The following SRRM4 variants were observed in gnomAD, a reference collection of about 807,000 sequenced individuals.
SRRM4 encodes serine/arginine repetitive matrix protein 4.
In SRRM4, 33 loss-of-function variants were observed where a neutral mutation model predicts 68.9. The observed-to-expected ratio is 0.48, with a 90% CI of 0.36 to 0.64. The LOEUF is 0.64. Ranked by LOEUF, SRRM4 falls within the 30% of genes least tolerant of loss-of-function variation. The pLI is 0.00. For synonymous variants in SRRM4, 318 were observed against 318.8 expected, an observed-to-expected ratio of 1.00 and a Z score of 0.03; for missense variants, 817 against 827.1, an observed-to-expected ratio of 0.99 and a Z score of 0.15.
At chr12:118,990,993 C>T (rs1266814938) in intron 1 of SRRM4, among the ~76,000 whole-genome samples, 1 of 152,098 alleles carries the variant, frequency 6.6e-6, no homozygotes, top group Non-Finnish European at 1.5e-5. Context: ...TTAGTAGAGA[C>T]AGGGTTTCAC....
chr12:119,087,226 C>T (rs138256684), intron 1 of SRRM4, among the ~76,000 whole-genome samples: 40 of 152,316 alleles, frequency 2.6e-4, no homozygotes, highest in Non-Finnish European at 5.0e-4. Context: ...CAAACACATG[C>T]AAAGCACTTA....
At chr12:119,109,789 T>G (rs965354007) in intron 2 of SRRM4, among the ~76,000 whole-genome samples, 1 of 152,234 alleles carries the variant, frequency 6.6e-6, no homozygotes, top group African/African-American at 2.4e-5. Context: ...CAGAGAAGTT[T>G]GTAATCACTG....
At chr12:119,033,906 C>G (rs1417887503) in intron 1 of SRRM4, among the ~76,000 whole-genome samples, 2 of 152,148 alleles carry the variant, frequency 1.3e-5, no homozygotes, top group Non-Finnish European at 2.9e-5. Context: ...CAGTCTTGTT[C>G]TAGTAACTAT....
At position 119,145,465 on chromosome 12, in the gene SRRM4, G is replaced by A. The variant is rs2136065671; in HGVS notation, c.856G>A (p.Asp286Asn). The A allele has an allele frequency of 2.5e-6, 4 of 1,610,174 alleles. No homozygotes were observed. Among genetic ancestry groups the A allele is most frequent in the East Asian group, 2.2e-5 (1 of 44,708 alleles). Reference sequence around the variant, plus strand: ...CTCGCGAGGACGTTCCCAGGAGTACGACTCAGGAAATGACACGTCCTCGCC... The same window carrying A: ...CTCGCGAGGACGTTCCCAGGAGTACAACTCAGGAAATGACACGTCCTCGCC... ...TTSRGRSQEY[D>N]SGNDTSSPPS... Residue 286 changes from aspartate to asparagine, a missense_variant, in exon 9 of 13, where the codon GAC becomes AAC. Physicochemically the swap from Asp to Asn is conservative, Grantham distance 23. Coordinates refer to ENST00000267260, the MANE Select transcript of SRRM4 (RefSeq NM_194286.4).
Position 118,982,021 on chromosome 12 carries a change from T to C in SRRM4, c.131+8T>C. The C allele has an allele frequency of 6.2e-7, 1 of 1,605,474 alleles. No individual in the cohort carries two copies. Among genetic ancestry groups the C allele is most frequent in the East Asian group, 2.2e-5 (1 of 44,516 alleles). ...CCGCAAGCCGCTGCCAAGGTAATGA[T>C]CTCCTTCTTAGAAGGGGGGATCCTG... On this transcript the variant is annotated splice_region_variant and intron_variant, in intron 1 of 12. Transcript: ENST00000267260.
chr12:119,064,213 C>T (rs1345714828), intron 1 of SRRM4, among the ~76,000 whole-genome samples: 2 of 152,108 alleles, frequency 1.3e-5, no homozygotes, highest in Admixed American at 1.3e-4. Flanking sequence ...AAGTGATCTC[C>T]CTCATTCCCA....
At chr12:119,066,887 T>A (rs561523351) in intron 1 of SRRM4, among the ~76,000 whole-genome samples, 1 of 152,350 alleles carries the variant, frequency 6.6e-6, no homozygotes, top group South Asian at 2.1e-4. Flanking sequence ...CACATGATTC[T>A]TATGTGCACA....
intron 1 of SRRM4, among the ~76,000 whole-genome samples, chr12:119,082,875 G>A (rs1363443850): frequency 1.3e-5 from 2 of 152,214 alleles, no homozygotes; most frequent in African/African-American, 2.4e-5. Flanking sequence ...ATGGAGAAGG[G>A]TTTGGACTTG....
chr12:119,098,483 C>T (rs911394560), intron 1 of SRRM4, among the ~76,000 whole-genome samples: 6 of 152,176 alleles, frequency 3.9e-5, no homozygotes, highest in African/African-American at 1.4e-4. Flanking sequence ...AATTTTTTAC[C>T]ACTTTTATTG....
chr12:119,045,185 G>A (rs1291161355), intron 1 of SRRM4, among the ~76,000 whole-genome samples: 2 of 152,172 alleles, frequency 1.3e-5, no homozygotes, highest in African/African-American at 4.8e-5. Context: ...TTAGTGCAAA[G>A]CTGGGATTTG....
chr12:119,100,641 T>C (rs2136041394), intron 1 of SRRM4, among the ~76,000 whole-genome samples: 1 of 152,306 alleles, frequency 6.6e-6, no homozygotes, highest in South Asian at 2.1e-4. Flanking sequence ...TGGATACAAT[T>C]TAGGCACTCA....
intron 1 of SRRM4, chr12:119,001,096 C>T (rs1473726154): frequency 6.6e-6 from 1 of 152,202 alleles, no homozygotes; most frequent in East Asian, 1.9e-4. Flanking sequence ...AGTGGCTTCA[C>T]TGATACATTC....
chr12:119,012,054 G>A (rs1953452796), intron 1 of SRRM4, among the ~76,000 whole-genome samples: 1 of 152,220 alleles, frequency 6.6e-6, no homozygotes, highest in Non-Finnish European at 1.5e-5. Context: ...TGCTCTTGGT[G>A]ACAATGTTTG....
chr12:119,115,117 A>G (rs1255500183), intron 3 of SRRM4, among the ~76,000 whole-genome samples: 1 of 151,890 alleles, frequency 6.6e-6, no homozygotes, highest in East Asian at 1.9e-4. Context: ...GAGATGAGAA[A>G]ATAAAGGCTC....
At chr12:118,996,203 T>G (rs1953348619) in intron 1 of SRRM4, among the ~76,000 whole-genome samples, 1 of 152,180 alleles carries the variant, frequency 6.6e-6, no homozygotes, top group Non-Finnish European at 1.5e-5. Context: ...TTAAACCTGA[T>G]CTTCCAGTCC....
At chr12:118,990,352 T>C (rs1267578179) in intron 1 of SRRM4, among the ~76,000 whole-genome samples, 4 of 152,214 alleles carry the variant, frequency 2.6e-5, no homozygotes, top group African/African-American at 4.8e-5. Context: ...AGGTTCTTAC[T>C]ATTTGTTTTG....
At chr12:119,069,705 G>A (rs1304052158) in intron 1 of SRRM4, 2 of 152,124 alleles carry the variant, frequency 1.3e-5, no homozygotes, top group Admixed American at 6.6e-5. Flanking sequence ...AAGAATGAAT[G>A]TTTCCATTTT....
intron 5 of SRRM4, 108 bp downstream of exon 5, chr12:119,120,384 C>A: frequency 8.6e-7 from 1 of 1,163,102 alleles, no homozygotes; most frequent in South Asian, 1.5e-5. Flanking sequence ...TAGGCATGAC[C>A]CCTTCATCTT....
chr12:119,042,303 G>A (rs1401882621), intron 1 of SRRM4, among the ~76,000 whole-genome samples: 1 of 151,824 alleles, frequency 6.6e-6, no homozygotes. Flanking sequence ...AAGGAGGAGG[G>A]GTCAGAGGGT....
Sources: allele counts gnomAD v4.1 joint callset (sites outside exome capture counted in the v4.1 genomes callset), GRCh38; gene constraint gnomAD v4.1.1; transcripts MANE v1.5; gene names NCBI Gene and HGNC (gene_info 2026-07-23, HGNC 2026-07-21).